The following STXBP6 variants were observed in gnomAD, a reference collection of about 807,000 sequenced individuals.
STXBP6 encodes the protein syntaxin binding protein 6.
STXBP6 carries 21 observed loss-of-function variants against 26.9 expected under a neutral mutation model. The ratio of observed to expected loss-of-function variants is 0.78; its 90% confidence interval spans 0.55 to 1.12. The LOEUF is 1.12. Among genes scored for constraint, STXBP6 ranks in the 50% most tolerant of loss-of-function variants. The pLI, the probability that STXBP6 is intolerant of heterozygous loss-of-function variation, is 0.00. For missense variants in STXBP6, 232 were observed against 257.9 expected (o/e 0.90, Z 0.69); for synonymous variants, 97 against 92.6 (o/e 1.05, Z -0.27).
At chr14:25,008,656 C>T (rs1275017888) in intron 1 of STXBP6, among the ~76,000 whole-genome samples, 1 of 152,164 alleles carries the variant, frequency 6.6e-6, no homozygotes, top group East Asian at 1.9e-4. Context: ...AATAATTCCT[C>T]TTTATTCATT....
At chr14:24,954,700 T>C (rs2073283289) in intron 2 of STXBP6, among the ~76,000 whole-genome samples, 1 of 152,176 alleles carries the variant, frequency 6.6e-6, no homozygotes. Context: ...ACATAGGTCA[T>C]CTTTCCTATA....
intron 1 of STXBP6, among the ~76,000 whole-genome samples, chr14:25,001,143 T>G (rs2074751284): frequency 6.6e-6 from 1 of 152,174 alleles, no homozygotes; most frequent in Non-Finnish European, 1.5e-5. Context: ...AACAAATATT[T>G]GAATGTCTGT....
intron 4 of STXBP6, among the ~76,000 whole-genome samples, chr14:24,840,425 C>T (rs777744716): frequency 1.2e-4 from 18 of 152,210 alleles, no homozygotes; most frequent in Non-Finnish European, 2.5e-4. Context: ...CAGATTGATT[C>T]CTGACAACAT....
intron 1 of STXBP6, among the ~76,000 whole-genome samples, chr14:24,999,195 T>C (rs2074685026): frequency 6.6e-6 from 1 of 152,146 alleles, no homozygotes; most frequent in Admixed American, 6.5e-5. Context: ...TCTGTGTACA[T>C]TCCTCACTAT....
At chr14:24,913,174 G>T (rs1470145799) in intron 2 of STXBP6, among the ~76,000 whole-genome samples, 1 of 152,152 alleles carries the variant, frequency 6.6e-6, no homozygotes, top group African/African-American at 2.4e-5. Flanking sequence ...AAAAGTAGCA[G>T]CTCAATAGTT....
intron 2 of STXBP6, among the ~76,000 whole-genome samples, chr14:24,945,139 A>ATTTTTTTTTTTTT (rs552562019): frequency 0.015 from 1,469 of 100,664 alleles, 448 homozygotes; most frequent in Non-Finnish European, 0.018. Context: ...CCAATTAGGA[A>ATTTTTTTTTTTTT]TTTTTTTTTT....
At chr14:24,868,764 G>A (rs979672122) in intron 2 of STXBP6, among the ~76,000 whole-genome samples, 9 of 152,172 alleles carry the variant, frequency 5.9e-5, no homozygotes, top group African/African-American at 1.7e-4. Flanking sequence ...GGAGAGAGGC[G>A]CTGCCAGTAG....
chr14:24,928,337 CCT>C (rs920616335), intron 2 of STXBP6, among the ~76,000 whole-genome samples: 31 of 152,060 alleles, frequency 2.0e-4, no homozygotes, highest in African/African-American at 5.8e-4. Context: ...AACCTTACCC[CCT>C]GTCAATGTTT....
At chr14:25,044,339 C>T (rs543557646) in intron 1 of STXBP6, among the ~76,000 whole-genome samples, 31 of 152,046 alleles carry the variant, frequency 2.0e-4, no homozygotes, top group Non-Finnish European at 3.5e-4. Flanking sequence ...AGTGGCTGTT[C>T]GGTTTTACAT....
intron 5 of STXBP6, chr14:24,816,664 G>C (rs1269410219): frequency 2.6e-5 from 4 of 152,168 alleles, no homozygotes; most frequent in Non-Finnish European, 5.9e-5. Flanking sequence ...GGTCAAGCCA[G>C]AGACCCCTTT....
intron 4 of STXBP6, among the ~76,000 whole-genome samples, chr14:24,826,401 A>G (rs1696383826): frequency 6.6e-6 from 1 of 152,166 alleles, no homozygotes; most frequent in Non-Finnish European, 1.5e-5. Context: ...CTTAGCCATT[A>G]CTAATGAGAT....
At chr14:25,007,822 T>C (rs1047504674) in intron 1 of STXBP6, among the ~76,000 whole-genome samples, 2 of 152,050 alleles carry the variant, frequency 1.3e-5, no homozygotes, top group Non-Finnish European at 2.9e-5. Context: ...CAAAAGGAGG[T>C]CTCACAGACA....
intron 1 of STXBP6, among the ~76,000 whole-genome samples, chr14:24,976,197 T>G (rs985628551): frequency 2.0e-5 from 3 of 152,198 alleles, no homozygotes; most frequent in African/African-American, 4.8e-5. Flanking sequence ...TAAATCCAGA[T>G]AGTTTATAGT....
intron 2 of STXBP6, among the ~76,000 whole-genome samples, chr14:24,939,765 T>A (rs1192997491): frequency 6.6e-6 from 1 of 152,244 alleles, no homozygotes; most frequent in East Asian, 1.9e-4. Context: ...CAACACGTAA[T>A]AAATATAAGA....
At chr14:24,858,291 C>T (rs1384962086) in intron 2 of STXBP6, among the ~76,000 whole-genome samples, 1 of 151,970 alleles carries the variant, frequency 6.6e-6, no homozygotes, top group Non-Finnish European at 1.5e-5. Flanking sequence ...GTTTCATTGT[C>T]GGGGGCCATT....
chr14:24,907,678 T>G (rs1197915756), intron 2 of STXBP6, among the ~76,000 whole-genome samples: 4 of 152,200 alleles, frequency 2.6e-5, no homozygotes, highest in African/African-American at 9.6e-5. Flanking sequence ...TAAAAAAATC[T>G]TATAACAAGT....
chr14:25,039,659 C>T (rs190384155), intron 1 of STXBP6, among the ~76,000 whole-genome samples: 47 of 151,974 alleles, frequency 3.1e-4, no homozygotes, highest in South Asian at 1.9e-3. Flanking sequence ...CTGTCAGAAA[C>T]GCAGAATCCC....
chr14:24,965,423 T>G (rs111230050), intron 2 of STXBP6, among the ~76,000 whole-genome samples: 6,396 of 151,484 alleles, frequency 0.042, 159 homozygotes, highest in Middle Eastern at 0.086. Flanking sequence ...ATGGGTTTTT[T>G]GGGGGGTAAA....
intron 2 of STXBP6, among the ~76,000 whole-genome samples, chr14:24,905,418 C>T (rs1170739386): frequency 6.6e-6 from 1 of 152,210 alleles, no homozygotes; most frequent in Non-Finnish European, 1.5e-5. Flanking sequence ...GCCTGGAATG[C>T]AGCAGATGTT....
Sources: gnomAD v4.1 joint callset for allele counts (sites outside exome capture counted in the v4.1 genomes callset) on GRCh38, gnomAD v4.1.1 for gene constraint, MANE v1.5 for transcripts, NCBI Gene and HGNC (gene_info 2026-07-23, HGNC 2026-07-21) for gene names.